Variants in C1orf94 observed in about 807,000 individuals in gnomAD.
C1orf94 encodes the protein chromosome 1 open reading frame 94.
Under a neutral mutation model 53.6 loss-of-function variants are expected in C1orf94, and 45 were observed. That is an observed-to-expected ratio of 0.84 (90% CI 0.66 to 1.08). C1orf94 has a LOEUF of 1.08. Ranked by LOEUF, C1orf94 falls within the 50% of genes least tolerant of loss-of-function variation. The pLI is 0.00. For synonymous variants in C1orf94, 304 were observed against 296.1 expected (o/e 1.03, Z -0.27); for missense variants, 762 against 738.9 (o/e 1.03, Z -0.36).
In C1orf94 at chr1:34,177,751, A is replaced by G. The variant is rs1642251264; in HGVS notation, c.-39A>G. 1 of 1,489,256 alleles carries G rather than the reference A, an allele frequency of 6.7e-7. No individual in the cohort carries two copies. The highest frequency in any genetic ancestry group is 1.3e-5 in the South Asian group (1 of 75,330). 92.3% of individuals were successfully genotyped at this position (1,489,256 alleles called of 1,614,324 possible). The stretch of plus-strand genomic sequence containing the variant: ...AGCGAAAGCCAGACAGAACTGACCC[A>G]CTTCTGCCAAGCCCCATCCTCATCT... On this transcript the variant is annotated 5_prime_UTR_variant, in exon 1 of 7. Transcript: ENST00000488417.
At chr1:34,206,768 C>A (rs1387468150) in intron 4 of C1orf94, among the ~76,000 whole-genome samples, 1 of 152,064 alleles carries the variant, frequency 6.6e-6, no homozygotes. Flanking sequence ...TTGCAGGGAC[C>A]GGGCAGTGGT....
At chr1:34,196,671 C>T (rs1035868490) in intron 1 of C1orf94, among the ~76,000 whole-genome samples, 2 of 152,150 alleles carry the variant, frequency 1.3e-5, no homozygotes, top group African/African-American at 4.8e-5. Flanking sequence ...TGCTGAACAA[C>T]CTGCCCAGGG....
intron 1 of C1orf94, among the ~76,000 whole-genome samples, chr1:34,196,232 G>T (rs1388372104): frequency 6.6e-6 from 1 of 152,144 alleles, no homozygotes; most frequent in Non-Finnish European, 1.5e-5. Context: ...CTCTACACCT[G>T]GAGAGAAGTG....
chr1:34,198,624 G>T (rs1039615176), intron 2 of C1orf94, among the ~76,000 whole-genome samples: 3 of 152,260 alleles, frequency 2.0e-5, no homozygotes, highest in African/African-American at 7.2e-5. Context: ...CAGTCACTAA[G>T]AGAGTGATCA....
At chr1:34,172,884 G>A (rs1642168561), upstream of C1orf94, among the ~76,000 whole-genome samples, 1 of 152,208 alleles carries the variant, frequency 6.6e-6, no homozygotes, top group Non-Finnish European at 1.5e-5. Context: ...ATTTGCCTGG[G>A]ATACTCCTAT....
intron 2 of C1orf94, 40 bp from the exon 3 acceptor site, chr1:34,200,732 G>A: frequency 6.2e-7 from 1 of 1,610,396 alleles, no homozygotes; most frequent in Non-Finnish European, 8.5e-7. Context: ...CCAGCACTTG[G>A]CCTTCCAGAG....
At chr1:34,190,077 T>G (rs922337041) in intron 1 of C1orf94, among the ~76,000 whole-genome samples, 12 of 152,204 alleles carry the variant, frequency 7.9e-5, no homozygotes, top group African/African-American at 2.7e-4. Context: ...GAGTACATCT[T>G]TTAACCTTCC....
chr1:34,198,059 C>G (rs551631417), intron 2 of C1orf94, 146 bp downstream of exon 2: 2 of 920,424 alleles, frequency 2.2e-6, no homozygotes, highest in Non-Finnish European at 3.2e-6. Flanking sequence ...CCCCGAGGGA[C>G]GGGCTGTTTC....
intron 2 of C1orf94, among the ~76,000 whole-genome samples, chr1:34,199,824 C>T (rs1036601484): frequency 6.6e-6 from 1 of 152,226 alleles, no homozygotes; most frequent in African/African-American, 2.4e-5. Context: ...ACAATGTCTC[C>T]TTGATGCTTC....
chr1:34,172,927 T>C (rs1642168964), upstream of C1orf94, among the ~76,000 whole-genome samples: 1 of 152,212 alleles, frequency 6.6e-6, no homozygotes, highest in Non-Finnish European at 1.5e-5. Context: ...GTTTGACCCA[T>C]TGAGCATTAT....
chr1:34,185,375 T>A (rs918434483), intron 1 of C1orf94, among the ~76,000 whole-genome samples: 1 of 152,130 alleles, frequency 6.6e-6, no homozygotes, highest in African/African-American at 2.4e-5. Flanking sequence ...AGACAGGGTT[T>A]CACCATATTA....
rs1642850134 is a variant in C1orf94, at chr1:34,209,174, T to C, written c.1524+940T>C. ...GGATAAATATCTGTGGGACAATAAT[T>C]GAGGTTTGACCTTTGGCAGGCTGGT... On this transcript the variant is annotated intron_variant, in intron 5 of 6. Coordinates refer to ENST00000488417, the MANE Select transcript of C1orf94 (RefSeq NM_001134734.2). Among the ~76,000 whole-genome samples, 3 of 152,146 alleles carry C rather than the reference T, an allele frequency of 2.0e-5. No homozygotes were observed. The South Asian group carries it at 6.2e-4, about 32-fold the overall frequency.
chr1:34,172,066 G>C (rs1443572262), upstream of C1orf94, among the ~76,000 whole-genome samples: 3 of 152,122 alleles, frequency 2.0e-5, no homozygotes, highest in Admixed American at 6.6e-5. Context: ...CCAATGTCCC[G>C]GCATGGAAGC....
intron 5 of C1orf94, 31 bp from the exon 6 acceptor site, chr1:34,212,179 A>G (rs1275217126): frequency 1.9e-6 from 3 of 1,564,584 alleles, no homozygotes; most frequent in African/African-American, 1.4e-5. Context: ...GGGAATGGTG[A>G]CCTCACCCCT....
chr1:34,190,143 G>T (rs1642459524), intron 1 of C1orf94, among the ~76,000 whole-genome samples: 1 of 152,142 alleles, frequency 6.6e-6, no homozygotes, highest in Admixed American at 6.5e-5. Flanking sequence ...TATCCCTCAT[G>T]GTTGTGGTGG....
chr1:34,216,827 C>T (rs1642996080), intron 6 of C1orf94, among the ~76,000 whole-genome samples: 1 of 152,092 alleles, frequency 6.6e-6, no homozygotes, highest in African/African-American at 2.4e-5. Flanking sequence ...AACTGTATTC[C>T]CAGCACTTTG....
In C1orf94 at chr1:34,178,014, C is replaced by A; in HGVS notation, c.225C>A (p.Gly75=). Residue 75 remains glycine (G), a synonymous_variant, in exon 1 of 7, where the codon GGC becomes GGA. Coordinates refer to ENST00000488417, the MANE Select transcript of C1orf94 (RefSeq NM_001134734.2). The part of the protein sequence containing the change: ...TCHEIWKRVQ[G]LPEASQPWTS... ...ATGAAATCTGGAAGAGAGTTCAAGGCCTGCCTGAGGCCTCACAGCCCTGGA... is the reference window on the plus strand; with the variant it reads ...ATGAAATCTGGAAGAGAGTTCAAGGACTGCCTGAGGCCTCACAGCCCTGGA... 6.4e-7 allele frequency: 1 copy of A among 1,551,770 alleles called. No individual in the cohort carries two copies. The highest frequency in any genetic ancestry group is 8.7e-7 in the Non-Finnish European group (1 of 1,147,006).
chr1:34,195,775 C>T (rs1206398123), intron 1 of C1orf94, among the ~76,000 whole-genome samples: 1 of 139,496 alleles, frequency 7.2e-6, no homozygotes, highest in African/African-American at 2.8e-5. Flanking sequence ...TGTTTCTGTT[C>T]GTGGGTGTGT....
chr1:34,205,561 T>C (rs1446219945), intron 4 of C1orf94, among the ~76,000 whole-genome samples: 1 of 152,160 alleles, frequency 6.6e-6, no homozygotes, highest in African/African-American at 2.4e-5. Flanking sequence ...GCTACTGATA[T>C]GGTTGTAAGG....
Sources: gnomAD v4.1 joint callset for allele counts (sites outside exome capture counted in the v4.1 genomes callset) on GRCh38, gnomAD v4.1.1 for gene constraint, MANE v1.5 for transcripts, NCBI Gene and HGNC (gene_info 2026-07-23, HGNC 2026-07-21) for gene names.